Variants in GPM6A observed in about 807,000 individuals in gnomAD.
GPM6A encodes the protein glycoprotein M6A.
In GPM6A, 7 loss-of-function variants were observed where a neutral mutation model predicts 32.1. That is an observed-to-expected ratio of 0.22 (90% CI 0.12 to 0.41). The LOEUF (loss-of-function observed/expected upper bound fraction) is 0.41. GPM6A is among the 10% of genes least tolerant of loss of function. GPM6A has a pLI of 1.00. For missense variants in GPM6A, 235 were observed against 347.2 expected (o/e 0.68, Z 2.57); for synonymous variants, 130 against 123.4 (o/e 1.05, Z -0.35).
chr4:175,977,131 G>C (rs545014775), intron 1 of GPM6A, among the ~76,000 whole-genome samples: 2 of 152,078 alleles, frequency 1.3e-5, no homozygotes, highest in African/African-American at 2.4e-5. Context: ...TGAACAACTG[G>C]TCTCCAAAAG....
intron 1 of GPM6A, among the ~76,000 whole-genome samples, chr4:175,757,848 A>T (rs1190213819): frequency 6.6e-6 from 1 of 152,180 alleles, no homozygotes. Context: ...CATTCATAGA[A>T]CCCGAATAAG....
intron 1 of GPM6A, among the ~76,000 whole-genome samples, chr4:175,956,165 TA>T (rs893054182): frequency 4.6e-5 from 7 of 152,312 alleles, no homozygotes; most frequent in Admixed American, 3.9e-4. Context: ...CATCAAAATT[TA>T]AAAATTCCTG....
chr4:175,675,748 C>T (rs912628838), intron 2 of GPM6A, among the ~76,000 whole-genome samples: 3 of 152,160 alleles, frequency 2.0e-5, no homozygotes, highest in Non-Finnish European at 2.9e-5. Flanking sequence ...CTCCTGGACT[C>T]AAGTGATCCT....
intron 1 of GPM6A, among the ~76,000 whole-genome samples, chr4:175,935,870 G>A (rs983709835): frequency 4.6e-5 from 7 of 151,792 alleles, no homozygotes; most frequent in East Asian, 3.9e-4. Flanking sequence ...GCAAGGAGAG[G>A]GGATATTGAT....
chr4:175,757,764 C>T (rs115783071), intron 1 of GPM6A, among the ~76,000 whole-genome samples: 1,917 of 152,118 alleles, frequency 0.013, 22 homozygotes, highest in South Asian at 0.025. Context: ...AGCATTACCA[C>T]GAGACCAAAG....
intron 2 of GPM6A, among the ~76,000 whole-genome samples, chr4:175,676,565 A>G (rs1201537639): frequency 6.6e-6 from 1 of 152,148 alleles, no homozygotes; most frequent in Non-Finnish European, 1.5e-5. Flanking sequence ...TGGTCAACAT[A>G]GAGACACCCC....
At chr4:175,905,537 T>A (rs542206972) in intron 1 of GPM6A, among the ~76,000 whole-genome samples, 1 of 152,188 alleles carries the variant, frequency 6.6e-6, no homozygotes, top group Admixed American at 6.6e-5. Flanking sequence ...CTCCCTTTCC[T>A]GGCACAAGAG....
At chr4:175,796,449 C>T (rs921510785) in intron 1 of GPM6A, among the ~76,000 whole-genome samples, 1 of 152,150 alleles carries the variant, frequency 6.6e-6, no homozygotes, top group Admixed American at 6.5e-5. Flanking sequence ...TTTCTTCCTA[C>T]TTGATGGATG....
intron 1 of GPM6A, among the ~76,000 whole-genome samples, chr4:175,996,781 C>T (rs1024141765): frequency 1.3e-5 from 2 of 152,080 alleles, no homozygotes; most frequent in African/African-American, 4.8e-5. Flanking sequence ...CAGTTGTAAA[C>T]CCAATGTGAA....
intron 1 of GPM6A, among the ~76,000 whole-genome samples, chr4:175,727,981 G>A (rs1299650266): frequency 2.0e-5 from 3 of 147,410 alleles, no homozygotes; most frequent in African/African-American, 7.6e-5. Flanking sequence ...TTCAGCCTGG[G>A]TGACAGAGCG....
rs558673683 is a variant in GPM6A at position 175,776,004 on chromosome 4, C to T, written c.37+36187G>A. On this transcript the variant is annotated intron_variant, in intron 1 of 6. Transcript: ENST00000393658. ...AAGACACTAAATTCTGGAAAACCTT[C>T]GATTATAAAAAGCCAAGGACACAAT... Among the ~76,000 whole-genome samples the T allele has an allele frequency of 4.6e-5, 7 of 152,118 alleles. No homozygotes were observed. The South Asian group carries it at 6.2e-4, about 14-fold the overall frequency.
At chr4:175,961,065 C>T (rs959044994) in intron 1 of GPM6A, among the ~76,000 whole-genome samples, 3 of 152,108 alleles carry the variant, frequency 2.0e-5, no homozygotes, top group Admixed American at 1.3e-4. Context: ...CTTTATTAAC[C>T]GAAACTTTCT....
At chr4:175,663,180 C>T (rs1742530435) in intron 3 of GPM6A, among the ~76,000 whole-genome samples, 1 of 152,184 alleles carries the variant, frequency 6.6e-6, no homozygotes, top group South Asian at 2.1e-4. Context: ...ATAATCCTGC[C>T]ATCAACTCTC....
At chr4:175,747,444 A>G (rs1351008060) in intron 1 of GPM6A, among the ~76,000 whole-genome samples, 1 of 152,122 alleles carries the variant, frequency 6.6e-6, no homozygotes, top group Non-Finnish European at 1.5e-5. Context: ...TCTTTCAAAC[A>G]TATTCCAAGA....
intron 2 of GPM6A, among the ~76,000 whole-genome samples, chr4:175,691,324 G>GTAAGA (rs1744286797): frequency 6.6e-6 from 1 of 152,050 alleles, no homozygotes. Context: ...TACTTCTTAA[G>GTAAGA]GGATTAATTC....
At chr4:175,639,838 G>T (rs1741033095) in intron 6 of GPM6A, among the ~76,000 whole-genome samples, 1 of 151,888 alleles carries the variant, frequency 6.6e-6, no homozygotes, top group Non-Finnish European at 1.5e-5. Context: ...TGTCACATTG[G>T]TATGTACATA....
At chr4:175,815,023 T>A (rs1365554516), upstream of GPM6A, among the ~76,000 whole-genome samples, 1 of 152,158 alleles carries the variant, frequency 6.6e-6, no homozygotes, top group East Asian at 1.9e-4. Context: ...TTTCTCTTTT[T>A]TTTTTGAGAT....
At chr4:175,684,254 G>T (rs1476501760) in intron 2 of GPM6A, among the ~76,000 whole-genome samples, 6 of 152,028 alleles carry the variant, frequency 3.9e-5, no homozygotes, top group Non-Finnish European at 8.8e-5. Flanking sequence ...TTGTCTTTTG[G>T]CTTTGCTTAT....
chr4:175,720,419 T>C (rs547222510), intron 1 of GPM6A, among the ~76,000 whole-genome samples: 10 of 152,202 alleles, frequency 6.6e-5, no homozygotes, highest in Admixed American at 2.6e-4. Flanking sequence ...TACTGCAAAA[T>C]AGAAGAATGT....
Sources: gnomAD v4.1 joint callset for allele counts (sites outside exome capture counted in the v4.1 genomes callset) on GRCh38, gnomAD v4.1.1 for gene constraint, MANE v1.5 for transcripts, NCBI Gene and HGNC (gene_info 2026-07-23, HGNC 2026-07-21) for gene names.